TMEM50A: variants seen among roughly 807,000 people sequenced by gnomAD.
TMEM50A encodes the protein transmembrane protein 50A.
In TMEM50A, 8 loss-of-function variants were observed where a neutral mutation model predicts 23.9. The observed-to-expected ratio is 0.33, with a 90% confidence interval of 0.20 to 0.60. The LOEUF (loss-of-function observed/expected upper bound fraction) is 0.60, where lower values mean the gene tolerates loss of function less well. TMEM50A is among the 20% of genes least tolerant of loss of function. The pLI, the probability that TMEM50A is intolerant of heterozygous loss-of-function variation, is 0.81. For synonymous variants in TMEM50A, 55 were observed against 60.4 expected, an observed-to-expected ratio of 0.91 and a Z score of 0.41; for missense variants, 178 against 192.7, an observed-to-expected ratio of 0.92 and a Z score of 0.45.
intron 2 of TMEM50A, among the ~76,000 whole-genome samples, chr1:25,342,066 A>G (rs1645174502): frequency 6.6e-6 from 1 of 152,156 alleles, no homozygotes; most frequent in South Asian, 2.1e-4. Context: ...CTGAGGGTAA[A>G]AAGAAAGGCA....
At chr1:25,346,068 G>A (rs1026644739) in intron 3 of TMEM50A, among the ~76,000 whole-genome samples, 9 of 152,068 alleles carry the variant, frequency 5.9e-5, no homozygotes, top group African/African-American at 1.7e-4. Context: ...GATTACAGGC[G>A]TGAGCCACCA....
Position 25,356,844 on chromosome 1 carries a change from T to C in TMEM50A, c.419T>C (p.Ile140Thr). The C allele has an allele frequency of 6.3e-7, 1 of 1,590,768 alleles. No individual in the cohort carries two copies. Among genetic ancestry groups the C allele is most frequent in the South Asian group, 1.2e-5 (1 of 85,900 alleles). Residue 140 changes from isoleucine (I) to threonine (T), a missense_variant, in exon 6 of 7, where the codon ATC (isoleucine) becomes ACC (threonine). Coordinates refer to ENST00000374358, the MANE Select transcript of TMEM50A (RefSeq NM_014313.4). ...GCTGTATTTTTCCAGAATGCCTTCA[T>C]CTTTTTTGGGTAAGTTTGTTTTGCA... is the stretch of plus-strand genomic sequence containing the variant. ...GIAVFFQNAF[I>T]FFGGLVFKFG...
At chr1:25,357,528 A>AGG in intron 6 of TMEM50A, among the ~76,000 whole-genome samples, 1 of 139,564 alleles carries the variant, frequency 7.2e-6, no homozygotes, top group African/African-American at 2.7e-5. Context: ...CTGCATCAGG[A>AGG]GTGTGTGTGT....
At chr1:25,352,833 T>C (rs1359504156) in intron 4 of TMEM50A, 49 bp from the exon 5 acceptor site, 1 of 1,524,958 alleles carries the variant, frequency 6.6e-7, no homozygotes, top group East Asian at 2.3e-5. Context: ...GAAAGTTAAT[T>C]GTACTGCCCT....
chr1:25,348,782 CT>C (rs1645247582), intron 3 of TMEM50A, among the ~76,000 whole-genome samples: 1 of 152,128 alleles, frequency 6.6e-6, no homozygotes, highest in Admixed American at 6.6e-5. Flanking sequence ...CCAGTGTTCT[CT>C]TCTGTTTTCT....
chr1:25,346,939 A>C (rs1002568170), intron 3 of TMEM50A, among the ~76,000 whole-genome samples: 2 of 152,050 alleles, frequency 1.3e-5, no homozygotes, highest in Non-Finnish European at 2.9e-5. Context: ...GAATCACTTG[A>C]ATCTGAGAGG....
Position 25,343,213 on chromosome 1 carries a change from T to C in TMEM50A, c.206+140T>C. The C allele has an allele frequency of 4.8e-6, 3 of 624,974 alleles. No individual in the cohort carries two copies. In the South Asian group the frequency reaches 6.6e-5, roughly 14 times the overall value. The allele number at this position is 624,974 out of a possible 1,614,324, so 38.7% of individuals were successfully genotyped here. On this transcript the variant is annotated intron_variant, in intron 3 of 6. Coordinates refer to ENST00000374358, the MANE Select transcript of TMEM50A (RefSeq NM_014313.4). Reference sequence around the variant, plus strand: ...TGATTTAAAAGTCACACAGTAGAGATGGACTTATACAGAAAAGCAGCAGTC... The same window carrying C: ...TGATTTAAAAGTCACACAGTAGAGACGGACTTATACAGAAAAGCAGCAGTC...
intron 2 of TMEM50A, among the ~76,000 whole-genome samples, chr1:25,341,495 C>T (rs1243801253): frequency 1.3e-5 from 2 of 152,214 alleles, no homozygotes; most frequent in African/African-American, 4.8e-5. Context: ...ATCCGCCTGC[C>T]TCGGCCTTGC....
At position 25,348,327 on chromosome 1, in the gene TMEM50A, C is replaced by G. The variant is rs3093604; in HGVS notation, c.207-3299C>G. ...TTTTTTCTCTTATTACAAAAGTTCT[C>G]TGATTTTGTGGCTTTAAAAATATTA... On this transcript the variant is annotated intron_variant, in intron 3 of 6. Transcript: ENST00000374358. 8.8e-3 allele frequency among the ~76,000 whole-genome samples: 1,347 copies of G among 152,286 alleles called. 23 individuals are homozygous for G. Among genetic ancestry groups the G allele is most frequent in the African/African-American group, 0.03 (1,260 of 41,558 alleles).
In TMEM50A at chr1:25,360,697, T is replaced by G. The variant is rs763863322; in HGVS notation, c.466T>G (p.Trp156Gly). Residue 156 changes from tryptophan (W) to glycine (G), a missense_variant, in exon 7 of 7, where the codon TGG becomes GGG. Transcript: ENST00000374358. ...TAAGTTTGGCCGCACTGAAGACTTA[T>G]GGCAGTGAACACATCTGATTTCCCA... ...VFKFGRTEDL[W>G]Q The G allele has an allele frequency of 5.6e-6, 9 of 1,614,016 alleles. No homozygotes were observed. The South Asian group carries it at 6.6e-5, about 12-fold the overall frequency.
At chr1:25,338,695 C>T (rs1004154739) in intron 1 of TMEM50A, 1 of 152,254 alleles carries the variant, frequency 6.6e-6, no homozygotes, top group Non-Finnish European at 1.5e-5. Flanking sequence ...GCGCCCTCCC[C>T]CGGGACACCC....
At chr1:25,356,926 T>C (rs1429292982) in intron 6 of TMEM50A, 73 bp downstream of exon 6, 1 of 1,139,012 alleles carries the variant, frequency 8.8e-7, no homozygotes, top group Non-Finnish European at 1.3e-6. Context: ...ATTTTCTATA[T>C]TTAGTTGCCT....
intron 1 of TMEM50A, 105 bp from the exon 2 acceptor site, chr1:25,340,369 G>A: frequency 1.5e-6 from 1 of 669,630 alleles, no homozygotes; most frequent in South Asian, 2.2e-5. Flanking sequence ...TAAAGCATTT[G>A]TAATTTCACT....
At chr1:25,347,574 C>T (rs190741785) in intron 3 of TMEM50A, among the ~76,000 whole-genome samples, 1 of 152,312 alleles carries the variant, frequency 6.6e-6, no homozygotes, top group East Asian at 1.9e-4. Context: ...AGAGTCATCT[C>T]ATACAGGCTT....
At chr1:25,339,617 T>C (rs948431152) in intron 1 of TMEM50A, among the ~76,000 whole-genome samples, 1 of 152,206 alleles carries the variant, frequency 6.6e-6, no homozygotes, top group Non-Finnish European at 1.5e-5. Context: ...ATTAGAGAAA[T>C]ATTTTTCATT....
chr1:25,345,932 G>A (rs1645211065), intron 3 of TMEM50A, among the ~76,000 whole-genome samples: 1 of 151,574 alleles, frequency 6.6e-6, no homozygotes, highest in African/African-American at 2.4e-5. Flanking sequence ...GGGATTACAG[G>A]CACACACCAC....
rs546494830 is a variant in TMEM50A at position 25,347,867 on chromosome 1, GTAA to G, written c.207-3754_207-3752del. On this transcript the variant is annotated intron_variant, in intron 3 of 6. Transcript: ENST00000374358. ...CCATCTTGTTGCAATTTATTTTACCGTAATAATGATGCTGTTAGAATTCTTTTA... is the reference window on the plus strand; with the variant it reads ...CCATCTTGTTGCAATTTATTTTACCGTAATGATGCTGTTAGAATTCTTTTA... Among the ~76,000 whole-genome samples the G allele has an allele frequency of 6.9e-4, 105 of 152,270 alleles. 1 individual carries two copies. The highest frequency in any genetic ancestry group is 2.4e-3 in the African/African-American group (99 of 41,544).
In TMEM50A at chr1:25,360,998, T is replaced by G; in HGVS notation, c.*293T>G. 3.3e-6 allele frequency: 1 copy of G among 304,180 alleles called. No homozygotes were observed. Among genetic ancestry groups the G allele is most frequent in the South Asian group, 5.9e-5 (1 of 16,994 alleles). 18.8% of individuals were successfully genotyped at this position (304,180 alleles called of 1,614,324 possible). On this transcript the variant is annotated 3_prime_UTR_variant, in exon 7 of 7. Transcript: ENST00000374358. ...TAAAAAGAAATTACAAAAGAAATTA[T>G]GGATTTGTCAATGTAAGTATTTGTC...
At chr1:25,347,066 G>A (rs1302820156) in intron 3 of TMEM50A, among the ~76,000 whole-genome samples, 1 of 151,956 alleles carries the variant, frequency 6.6e-6, no homozygotes, top group African/African-American at 2.4e-5. Context: ...TACATAAAGT[G>A]CACAAGTCAT....
Sources: gnomAD v4.1 joint callset for allele counts (sites outside exome capture counted in the v4.1 genomes callset) on GRCh38, gnomAD v4.1.1 for gene constraint, MANE v1.5 for transcripts, NCBI Gene and HGNC (gene_info 2026-07-23, HGNC 2026-07-21) for gene names.